The following P3H2 variants were observed in gnomAD, a reference collection of about 807,000 sequenced individuals.
P3H2 encodes leprecan-like 1.
In P3H2, 80 loss-of-function variants were observed where a neutral mutation model predicts 87.0. The observed-to-expected ratio is 0.92, with a 90% CI of 0.77 to 1.11. The LOEUF is 1.11. Ranked by LOEUF, P3H2 falls within the 50% of genes least tolerant of loss-of-function variation. The probability of loss-of-function intolerance (pLI) is 0.00; values close to 1 mark genes in which losing one functional copy is unlikely to be tolerated. For synonymous variants in P3H2, 367 were observed against 359.3 expected (o/e 1.02, Z -0.24); for missense variants, 1,001 against 923.9 (o/e 1.08, Z -1.08).
intron 13 of P3H2, among the ~76,000 whole-genome samples, chr3:189,967,222 C>T (rs1723031244): frequency 6.6e-6 from 1 of 151,792 alleles, no homozygotes; most frequent in African/African-American, 2.4e-5. Flanking sequence ...TGTTCTCAAA[C>T]AGGAGCTTTT....
chr3:189,996,699 T>C (rs1724061721), intron 1 of P3H2, among the ~76,000 whole-genome samples: 1 of 152,116 alleles, frequency 6.6e-6, no homozygotes, highest in Non-Finnish European at 1.5e-5. Context: ...TGAATACACA[T>C]ATGGAAACAT....
In P3H2 at chr3:190,048,908, A is replaced by T. The variant is rs1725888024; in HGVS notation, c.481-53466T>A. ...TTTAGCCTTAACACCTTCCAAAGGA[A>T]GGAGAAAAATAGCTTTGCAGGTTTG... is the stretch of plus-strand genomic sequence containing the variant. On this transcript the variant is annotated intron_variant, in intron 1 of 14. Transcript: ENST00000319332. Among the ~76,000 whole-genome samples the T allele has an allele frequency of 2.6e-5, 4 of 152,206 alleles. No individual in the cohort carries two copies. The South Asian group carries it at 8.3e-4, about 31-fold the overall frequency.
chr3:190,115,124 T>C (rs954291882), intron 1 of P3H2, among the ~76,000 whole-genome samples: 2 of 152,106 alleles, frequency 1.3e-5, no homozygotes, highest in Admixed American at 6.5e-5. Flanking sequence ...AGGACCAAAA[T>C]AGAATTGTCT....
At chr3:190,023,751 T>C (rs991087170) in intron 1 of P3H2, among the ~76,000 whole-genome samples, 2 of 152,208 alleles carry the variant, frequency 1.3e-5, no homozygotes, top group African/African-American at 4.8e-5. Flanking sequence ...ATTGTGCAAG[T>C]CTACACTTGG....
At chr3:189,964,837 G>A (rs533053558) in intron 13 of P3H2, among the ~76,000 whole-genome samples, 3 of 152,348 alleles carry the variant, frequency 2.0e-5, no homozygotes, top group South Asian at 4.1e-4. Context: ...CGTTTAGGTA[G>A]AAGAGTGTAG....
intron 1 of P3H2, among the ~76,000 whole-genome samples, chr3:190,066,158 T>TATATATATACACACACACACACAC (rs1256956930): frequency 1.5e-5 from 2 of 134,594 alleles, no homozygotes; most frequent in African/African-American, 6.2e-5. Flanking sequence ...TATATATATA[T>TATATATATACACACACACACACAC]ACACACACAC....
chr3:190,073,202 T>C (rs917331493), intron 1 of P3H2, among the ~76,000 whole-genome samples: 2 of 152,230 alleles, frequency 1.3e-5, no homozygotes, highest in Non-Finnish European at 2.9e-5. Context: ...TTCTAATCAA[T>C]GTGCTTTTCT....
chr3:190,107,445 C>T (rs1328996032), intron 1 of P3H2, among the ~76,000 whole-genome samples: 1 of 152,094 alleles, frequency 6.6e-6, no homozygotes, highest in Non-Finnish European at 1.5e-5. Context: ...TTTCTCACTC[C>T]TAATTTTATG....
chr3:190,025,064 G>C (rs1369083597), intron 1 of P3H2, among the ~76,000 whole-genome samples: 1 of 152,128 alleles, frequency 6.6e-6, no homozygotes, highest in South Asian at 2.1e-4. Flanking sequence ...GATATATGCT[G>C]TCATATTTAG....
chr3:190,023,118 G>A (rs1488749281), intron 1 of P3H2, among the ~76,000 whole-genome samples: 3 of 152,056 alleles, frequency 2.0e-5, no homozygotes, highest in South Asian at 2.1e-4. Flanking sequence ...GAGCCACCAC[G>A]CCCAGCCAAA....
At chr3:189,983,711 G>C (rs956883110) in intron 7 of P3H2, among the ~76,000 whole-genome samples, 1 of 152,052 alleles carries the variant, frequency 6.6e-6, no homozygotes, top group Non-Finnish European at 1.5e-5. Flanking sequence ...TTGAAGCCTC[G>C]TGAAAGACTT....
intron 1 of P3H2, among the ~76,000 whole-genome samples, chr3:190,119,929 G>A (rs1712469014): frequency 6.6e-6 from 1 of 152,046 alleles, no homozygotes; most frequent in Non-Finnish European, 1.5e-5. Flanking sequence ...TGAGAAGGGA[G>A]AAGATAAATT....
chr3:190,038,486 GA>G lies in P3H2; in HGVS notation c.481-43045del, dbSNP rs57971408. Among the ~76,000 whole-genome samples, 299 of 92,518 alleles carry G rather than the reference GA, an allele frequency of 3.2e-3. 2 individuals are homozygous for G. Among genetic ancestry groups the G allele is most frequent in the African/African-American group, 9.7e-3 (238 of 24,592 alleles). The allele number at this position is 92,518 out of a possible 152,430, so 60.7% of individuals were successfully genotyped here. ...CAACAAGAAGAACTAACTGCAGAAT[GA>G]AAAAAAAAAAAAAAAAAAAAAAAGT... On this transcript the variant is annotated intron_variant, in intron 1 of 14. Coordinates refer to ENST00000319332, the MANE Select transcript of P3H2 (RefSeq NM_018192.4).
At chr3:189,992,726 T>C (rs1723915464) in intron 3 of P3H2, among the ~76,000 whole-genome samples, 1 of 152,176 alleles carries the variant, frequency 6.6e-6, no homozygotes, top group Non-Finnish European at 1.5e-5. Context: ...AACAATAGTA[T>C]CTATAAGAGT....
At chr3:190,038,981 C>T (rs1214797241) in intron 1 of P3H2, among the ~76,000 whole-genome samples, 1 of 151,970 alleles carries the variant, frequency 6.6e-6, no homozygotes, top group Non-Finnish European at 1.5e-5. Flanking sequence ...CCTGAGGTCG[C>T]GAGTTCAAGA....
At chr3:189,974,137 TG>T (rs1360812389) in intron 9 of P3H2, 133 bp from the exon 10 acceptor site, 1 of 740,930 alleles carries the variant, frequency 1.3e-6, no homozygotes, top group Non-Finnish European at 2.4e-6. Flanking sequence ...TCCAGGATGC[TG>T]GTATAACTAT....
intron 1 of P3H2, among the ~76,000 whole-genome samples, chr3:189,996,332 A>AT (rs1724051672): frequency 6.6e-6 from 1 of 152,244 alleles, no homozygotes; most frequent in African/African-American, 2.4e-5. Context: ...TCTGGAGGAT[A>AT]TTATGTTAAG....
intron 1 of P3H2, among the ~76,000 whole-genome samples, chr3:190,069,871 T>C (rs1335860616): frequency 1.3e-5 from 2 of 151,852 alleles, no homozygotes; most frequent in Non-Finnish European, 2.9e-5. Context: ...GTGGTGTAGA[T>C]GGAAATCCAA....
At chr3:190,067,553 T>C (rs2108970674) in intron 1 of P3H2, among the ~76,000 whole-genome samples, 1 of 152,302 alleles carries the variant, frequency 6.6e-6, no homozygotes, top group Middle Eastern at 3.4e-3. Context: ...GTTTTGCTTT[T>C]GAATAACTAG....
Sources: allele counts gnomAD v4.1 joint callset (sites outside exome capture counted in the v4.1 genomes callset), GRCh38; gene constraint gnomAD v4.1.1; transcripts MANE v1.5; gene names NCBI Gene and HGNC (gene_info 2026-07-23, HGNC 2026-07-21).